Variants in CBLN2 observed in about 807,000 individuals in gnomAD.
CBLN2 encodes the protein cerebellin 2 precursor.
Under a neutral mutation model 15.0 loss-of-function variants are expected in CBLN2, and 7 were observed. The observed-to-expected ratio is 0.47, with a 90% CI of 0.27 to 0.88. The LOEUF is 0.88. CBLN2 is among the 40% of genes least tolerant of loss of function. The pLI, the probability that CBLN2 is intolerant of heterozygous loss-of-function variation, is 0.14. For missense variants in CBLN2, 242 were observed against 304.5 expected (o/e 0.79, Z 1.53); for synonymous variants, 149 against 135.2 (o/e 1.10, Z -0.71).
At chr18:72,599,500 G>T (rs1382432644) in intron 1 of CBLN2, among the ~76,000 whole-genome samples, 2 of 152,088 alleles carry the variant, frequency 1.3e-5, no homozygotes, top group African/African-American at 2.4e-5. Flanking sequence ...ATTTAGATTT[G>T]AACTTTTCAC....
At chr18:72,599,636 C>T (rs1468349909) in intron 1 of CBLN2, among the ~76,000 whole-genome samples, 1 of 152,076 alleles carries the variant, frequency 6.6e-6, no homozygotes, top group Non-Finnish European at 1.5e-5. Context: ...CATACCAGAG[C>T]CCATTTTTAT....
At chr18:72,557,932 A>T (rs1277663316) in intron 1 of CBLN2, among the ~76,000 whole-genome samples, 1 of 152,166 alleles carries the variant, frequency 6.6e-6, no homozygotes, top group South Asian at 2.1e-4. Flanking sequence ...TGTTTTTTAA[A>T]AAAGTAAGCA....
chr18:72,622,299 C>A (rs1453259539), intron 1 of CBLN2, among the ~76,000 whole-genome samples: 1 of 151,814 alleles, frequency 6.6e-6, no homozygotes, highest in Non-Finnish European at 1.5e-5. Flanking sequence ...CTTATGCAAC[C>A]AAGATCTTGC....
intron 1 of CBLN2, among the ~76,000 whole-genome samples, chr18:72,597,442 A>G (rs1215244403): frequency 2.6e-5 from 4 of 152,210 alleles, no homozygotes; most frequent in Non-Finnish European, 1.5e-5. Context: ...TCGGGATGGC[A>G]CAAGTAACCC....
chr18:72,609,160 C>A (rs2069604194), intron 1 of CBLN2, among the ~76,000 whole-genome samples: 1 of 152,078 alleles, frequency 6.6e-6, no homozygotes, highest in African/African-American at 2.4e-5. Flanking sequence ...TTGACTGACT[C>A]TTTTATAACT....
chr18:72,562,172 C>T (rs1172559417), intron 1 of CBLN2, among the ~76,000 whole-genome samples: 1 of 151,976 alleles, frequency 6.6e-6, no homozygotes. Flanking sequence ...ATAAATTGAG[C>T]GTATATGTGT....
intron 1 of CBLN2, among the ~76,000 whole-genome samples, chr18:72,566,122 C>T (rs1025694108): frequency 7.2e-5 from 11 of 152,104 alleles, no homozygotes; most frequent in Middle Eastern, 3.2e-3. Context: ...TGAGATATCA[C>T]CTCATGTCTG....
At chr18:72,568,217 A>G (rs2069309041) in intron 1 of CBLN2, among the ~76,000 whole-genome samples, 1 of 152,180 alleles carries the variant, frequency 6.6e-6, no homozygotes, top group African/African-American at 2.4e-5. Context: ...CCAGGGTTAA[A>G]ACGAATGACC....
chr18:72,538,078 G>T lies in CBLN2; in HGVS notation c.*98C>A. ...CTACTGCAACAGTCTGACGGAGGTT[G>T]GAAACAAGGTGTCCAATTCCAGTAA... On this transcript the variant is annotated 3_prime_UTR_variant, in exon 5 of 5. Coordinates refer to ENST00000269503, the MANE Select transcript of CBLN2 (RefSeq NM_182511.4). 3 of 1,193,130 alleles carry T rather than the reference G, an allele frequency of 2.5e-6. No homozygotes were observed. The highest frequency in any genetic ancestry group is 1.5e-5 in the African/African-American group (1 of 66,306). 73.9% of individuals were successfully genotyped at this position (1,193,130 alleles called of 1,614,324 possible).
intron 1 of CBLN2, among the ~76,000 whole-genome samples, chr18:72,633,127 T>C (rs1263730034): frequency 6.6e-6 from 1 of 152,202 alleles, no homozygotes. Flanking sequence ...CAACGGCGAT[T>C]GTTACTTATT....
At chr18:72,605,202 C>CTATAT (rs1555672157) in intron 1 of CBLN2, among the ~76,000 whole-genome samples, 6 of 152,136 alleles carry the variant, frequency 3.9e-5, no homozygotes, top group Non-Finnish European at 8.8e-5. Flanking sequence ...ATATGCACAT[C>CTATAT]TTTATTTTAT....
Position 72,630,950 on chromosome 18 carries a change from G to A in CBLN2, c.15+7375C>T, listed in dbSNP as rs369266490. ...TCTAAAGCACTGAAGTGTAAGAGCC[G>A]TTATTAAATTGTTTCTGGCTTAAAA... On this transcript the variant is annotated intron_variant, in intron 1 of 2. Coordinates refer to the CBLN2 transcript ENST00000581073. 19 of 152,218 alleles carry A rather than the reference G, an allele frequency of 1.2e-4. 1 individual carries two copies. In the South Asian group the frequency reaches 1.5e-3, roughly 12 times the overall value. The allele number at this position is 152,218 out of a possible 1,614,324, so 9.4% of individuals were successfully genotyped here. A position where few individuals can be genotyped will look rare whatever the true frequency, so the allele number is the denominator to read the frequency against.
intron 1 of CBLN2, among the ~76,000 whole-genome samples, chr18:72,633,237 C>T (rs924530757): frequency 3.3e-5 from 5 of 152,170 alleles, no homozygotes; most frequent in Admixed American, 2.6e-4. Flanking sequence ...AGACTTACTT[C>T]ATTCAGCATC....
chr18:72,567,763 C>T (rs906972901), intron 1 of CBLN2, among the ~76,000 whole-genome samples: 9 of 152,156 alleles, frequency 5.9e-5, no homozygotes, highest in African/African-American at 2.2e-4. Context: ...TCTCCCATGC[C>T]TTCAGGCTCA....
chr18:72,619,217 A>AT, intron 1 of CBLN2: 1 of 930,908 alleles, frequency 1.1e-6, no homozygotes, highest in Non-Finnish European at 1.7e-6. Context: ...GTGGCAGAAG[A>AT]TTTTAATTAC....
intron 1 of CBLN2, among the ~76,000 whole-genome samples, chr18:72,578,345 G>A (rs1295359499): frequency 6.6e-6 from 1 of 152,158 alleles, no homozygotes; most frequent in Non-Finnish European, 1.5e-5. Context: ...TGTATTCAAA[G>A]ATAGCATGAT....
At chr18:72,609,300 C>A (rs571603767) in intron 1 of CBLN2, among the ~76,000 whole-genome samples, 3 of 152,144 alleles carry the variant, frequency 2.0e-5, no homozygotes, top group Admixed American at 1.3e-4. Context: ...TAAATAGGGT[C>A]TTTAAAGATA....
At chr18:72,602,574 A>G (rs2069555919) in intron 1 of CBLN2, among the ~76,000 whole-genome samples, 1 of 152,104 alleles carries the variant, frequency 6.6e-6, no homozygotes, top group South Asian at 2.1e-4. Context: ...GTCAATCAAT[A>G]CAGCAGTTGT....
At chr18:72,554,528 C>T (rs1465363727) in intron 1 of CBLN2, among the ~76,000 whole-genome samples, 1 of 151,536 alleles carries the variant, frequency 6.6e-6, no homozygotes, top group Non-Finnish European at 1.5e-5. Flanking sequence ...GTAATCATTC[C>T]ACAGTATATA....
Sources: gnomAD v4.1 joint callset for allele counts (sites outside exome capture counted in the v4.1 genomes callset) on GRCh38, gnomAD v4.1.1 for gene constraint, MANE v1.5 for transcripts, NCBI Gene and HGNC (gene_info 2026-07-23, HGNC 2026-07-21) for gene names.